The following CSMD1 variants were observed in gnomAD, a reference collection of about 807,000 sequenced individuals.
CSMD1 encodes the protein CUB and sushi domain-containing protein 1.
Under a neutral mutation model 417.5 loss-of-function variants are expected in CSMD1, and 213 were observed. That is an observed-to-expected ratio of 0.51 (90% CI 0.46 to 0.57). CSMD1 has a LOEUF of 0.57. Among genes scored for constraint, CSMD1 ranks in the 20% least tolerant of loss-of-function variants. The pLI, the probability that CSMD1 is intolerant of heterozygous loss-of-function variation, is 0.00. For synonymous variants in CSMD1, 2,862 were observed against 1,736.8 expected, an observed-to-expected ratio of 1.65 and a Z score of -16.11; for missense variants, 6,923 against 4,529.7, an observed-to-expected ratio of 1.53 and a Z score of -15.17.
At chr8:3,752,517 G>A (rs753770051) in intron 6 of CSMD1, among the ~76,000 whole-genome samples, 1 of 151,608 alleles carries the variant, frequency 6.6e-6, no homozygotes, top group Non-Finnish European at 1.5e-5. Context: ...AGCCGGGTGT[G>A]GTGGTCTGCA....
intron 7 of CSMD1, among the ~76,000 whole-genome samples, chr8:3,664,132 T>C (rs376746533): frequency 1.4e-4 from 22 of 152,312 alleles, no homozygotes; most frequent in Admixed American, 1.3e-3. Flanking sequence ...GCTGCACCCA[T>C]TGACTCGTCA....
chr8:3,749,950 T>G (rs1797250838), intron 6 of CSMD1, among the ~76,000 whole-genome samples: 1 of 152,216 alleles, frequency 6.6e-6, no homozygotes. Flanking sequence ...GAAATGTTTC[T>G]TATGTTCAGC....
At chr8:3,784,272 T>G (rs969024825) in intron 5 of CSMD1, among the ~76,000 whole-genome samples, 2 of 152,184 alleles carry the variant, frequency 1.3e-5, no homozygotes, top group African/African-American at 4.8e-5. Context: ...CCTTGCTAGA[T>G]TACTAAATTT....
At chr8:3,184,911 C>T (rs1409107354) in intron 36 of CSMD1, among the ~76,000 whole-genome samples, 1 of 152,184 alleles carries the variant, frequency 6.6e-6, no homozygotes, top group African/African-American at 2.4e-5. Flanking sequence ...CAAGTCCCTG[C>T]TCCAAAATCT....
chr8:4,041,338 C>G (rs1367882868), intron 3 of CSMD1, among the ~76,000 whole-genome samples: 1 of 152,128 alleles, frequency 6.6e-6, no homozygotes, highest in Admixed American at 6.5e-5. Flanking sequence ...ATTTTAAACA[C>G]TAGAAGAATT....
chr8:4,453,038 T>A (rs1799242706), intron 2 of CSMD1, among the ~76,000 whole-genome samples: 1 of 152,112 alleles, frequency 6.6e-6, no homozygotes, highest in South Asian at 2.1e-4. Flanking sequence ...CAACTTAGAT[T>A]TTCAAGCATG....
At position 4,161,194 on chromosome 8, in the gene CSMD1, C is replaced by G. The variant is rs557391241; in HGVS notation, c.416-129095G>C. 1.4e-4 allele frequency among the ~76,000 whole-genome samples: 22 copies of G among 152,162 alleles called. No homozygotes were observed. In the South Asian group the frequency reaches 4.4e-3, roughly 30 times the overall value. ...TGAAGTACTTGCAATGTGCTACTTC[C>G]TATCTCATTTAATTCCATGAACAAC... On this transcript the variant is annotated intron_variant, in intron 3 of 69. Transcript: ENST00000635120.
intron 1 of CSMD1, among the ~76,000 whole-genome samples, chr8:4,712,818 C>G (rs1808395516): frequency 6.6e-6 from 1 of 152,108 alleles, no homozygotes; most frequent in South Asian, 2.1e-4. Flanking sequence ...CATGACTGTA[C>G]TATCTAAAGT....
intron 1 of CSMD1, among the ~76,000 whole-genome samples, chr8:4,656,636 T>G (rs1804251057): frequency 6.6e-6 from 1 of 151,454 alleles, no homozygotes; most frequent in African/African-American, 2.5e-5. Flanking sequence ...GTGACTAATT[T>G]TAGTTTCAAA....
At chr8:3,299,285 C>T (rs556911945) in intron 25 of CSMD1, among the ~76,000 whole-genome samples, 1 of 152,110 alleles carries the variant, frequency 6.6e-6, no homozygotes, top group East Asian at 1.9e-4. Context: ...AACCCTGTCT[C>T]TACTAAAAAT....
chr8:3,640,095 C>T (rs1286025164), intron 7 of CSMD1, among the ~76,000 whole-genome samples: 9 of 152,196 alleles, frequency 5.9e-5, no homozygotes, highest in Admixed American at 2.0e-4. Flanking sequence ...ATTGAAGGCT[C>T]TCCCATGTAG....
chr8:3,902,229 T>G (rs146832659), intron 5 of CSMD1, among the ~76,000 whole-genome samples: 3 of 152,170 alleles, frequency 2.0e-5, no homozygotes, highest in African/African-American at 7.2e-5. Context: ...TTTCAGCCCA[T>G]TGACCACCTC....
At chr8:3,919,349 G>C (rs1408627605) in intron 5 of CSMD1, among the ~76,000 whole-genome samples, 1 of 151,968 alleles carries the variant, frequency 6.6e-6, no homozygotes, top group Admixed American at 6.6e-5. Flanking sequence ...TCATTCCTCT[G>C]CACGACATAC....
chr8:4,847,916 C>A (rs1801240639), intron 1 of CSMD1, among the ~76,000 whole-genome samples: 1 of 152,114 alleles, frequency 6.6e-6, no homozygotes, highest in South Asian at 2.1e-4. Flanking sequence ...TTCATCACTG[C>A]AAAATGAAAC....
At chr8:4,527,984 A>G (rs550925863) in intron 2 of CSMD1, among the ~76,000 whole-genome samples, 3 of 152,294 alleles carry the variant, frequency 2.0e-5, no homozygotes, top group South Asian at 2.1e-4. Flanking sequence ...TATAGAATCC[A>G]TGGCTCTCAC....
rs1277399138 is a variant in CSMD1, at chr8:4,720,162, C to A, written c.86-82604G>T. On this transcript the variant is annotated intron_variant, in intron 1 of 69. Coordinates refer to ENST00000635120, the MANE Select transcript of CSMD1 (RefSeq NM_033225.6). ...CTTCACAAAGCTAGACGTATACATACATATAACATATATATATATATATTT... is the reference window on the plus strand; with the variant it reads ...CTTCACAAAGCTAGACGTATACATAAATATAACATATATATATATATATTT... Among the ~76,000 whole-genome samples, 11 of 100,432 alleles carry A rather than the reference C, an allele frequency of 1.1e-4. No homozygotes were observed. The Admixed American group carries it at 1.4e-3, about 13-fold the overall frequency. The allele number at this position is 100,432 out of a possible 152,430, so 65.9% of individuals were successfully genotyped here.
chr8:3,993,395 C>G (rs1814911004), intron 5 of CSMD1, among the ~76,000 whole-genome samples: 1 of 152,266 alleles, frequency 6.6e-6, no homozygotes, highest in Admixed American at 6.5e-5. Flanking sequence ...AGTCAATTAT[C>G]AATTAAGTGA....
intron 7 of CSMD1, among the ~76,000 whole-genome samples, chr8:3,669,063 G>A (rs1057379423): frequency 3.3e-5 from 5 of 152,070 alleles, no homozygotes; most frequent in African/African-American, 1.2e-4. Flanking sequence ...CAAAACTAAG[G>A]AACGACCCCA....
intron 27 of CSMD1, among the ~76,000 whole-genome samples, chr8:3,227,477 C>T (rs1798582642): frequency 6.6e-6 from 1 of 152,040 alleles, no homozygotes; most frequent in Admixed American, 6.6e-5. Flanking sequence ...ATTAATAATC[C>T]TGATTTATTT....
Sources: allele counts gnomAD v4.1 joint callset (sites outside exome capture counted in the v4.1 genomes callset), GRCh38; gene constraint gnomAD v4.1.1; transcripts MANE v1.5; gene names NCBI Gene and HGNC (gene_info 2026-07-23, HGNC 2026-07-21).